GLIS3: variants seen among roughly 807,000 people sequenced by gnomAD.
GLIS3 encodes zinc finger protein GLIS3.
A neutral mutation model predicts 78.6 loss-of-function variants in GLIS3; 53 were observed. The observed-to-expected ratio is 0.67, with a 90% CI of 0.54 to 0.85. The LOEUF (loss-of-function observed/expected upper bound fraction) is 0.85. Ranked by LOEUF, GLIS3 falls within the 40% of genes least tolerant of loss-of-function variation. The pLI is 0.00. For synonymous variants in GLIS3, 684 were observed against 509.9 expected, an observed-to-expected ratio of 1.34 and a Z score of -4.60; for missense variants, 1,703 against 1,231.1, an observed-to-expected ratio of 1.38 and a Z score of -5.74.
chr9:4,425,736 C>A, the GLIS3 span, among the ~76,000 whole-genome samples: 1 of 152,204 alleles, frequency 6.6e-6, no homozygotes, highest in African/African-American at 2.4e-5. Context: ...TTACCTAGTA[C>A]CACCTGCTCG....
intron 4 of GLIS3, among the ~76,000 whole-genome samples, chr9:4,066,705 C>G (rs1827130530): frequency 6.6e-6 from 1 of 152,254 alleles, no homozygotes; most frequent in South Asian, 2.1e-4. Context: ...CCTTTGCCAG[C>G]TGGAGAAATA....
At chr9:4,205,489 C>A (rs1165241483) in intron 2 of GLIS3, among the ~76,000 whole-genome samples, 1 of 152,286 alleles carries the variant, frequency 6.6e-6, no homozygotes, top group South Asian at 2.1e-4. Flanking sequence ...TGTCTCTTCC[C>A]TGGAAGATTT....
the GLIS3 span, among the ~76,000 whole-genome samples, chr9:4,429,866 T>C: frequency 1.3e-5 from 2 of 152,162 alleles, no homozygotes; most frequent in Non-Finnish European, 2.9e-5. Context: ...GGGTTTTTCA[T>C]GCATTACCTT....
rs561022724 is a variant in GLIS3 at position 3,826,587 on chromosome 9, C to T, written c.*1685G>A. ...GACCAAGTGCACTGTGAAAACAAAA[C>T]CCACACTTGGTTCTTCATTCACCTC... On this transcript the variant is annotated 3_prime_UTR_variant, in exon 11 of 11. Coordinates refer to ENST00000381971, the MANE Select transcript of GLIS3 (RefSeq NM_001042413.2). 2 of 152,288 alleles carry T rather than the reference C, an allele frequency of 1.3e-5. No individual in the cohort carries two copies. Among genetic ancestry groups the T allele is most frequent in the East Asian group, 3.9e-4 (2 of 5,182 alleles). 9.4% of individuals were successfully genotyped at this position (152,288 alleles called of 1,614,324 possible). A position where few individuals can be genotyped will look rare whatever the true frequency, so the allele number is the denominator to read the frequency against.
At chr9:4,322,646 T>A (rs1244848615) in intron 2 of GLIS3, among the ~76,000 whole-genome samples, 1 of 152,208 alleles carries the variant, frequency 6.6e-6, no homozygotes, top group African/African-American at 2.4e-5. Context: ...TTGATTTGCA[T>A]TTCTCTGATG....
chr9:4,051,126 G>A lies in GLIS3; in HGVS notation c.1710+66642C>T, dbSNP rs535570348. On this transcript the variant is annotated intron_variant, in intron 4 of 10. Transcript: ENST00000381971. ...TCTCCTTGTTCTCCCAGCCCCTAAA[G>A]AAACTGGGTCAAAATGGAAGCAGAC... Among the ~76,000 whole-genome samples the A allele has an allele frequency of 2.0e-5, 3 of 152,252 alleles. No individual in the cohort carries two copies. The South Asian group carries it at 6.2e-4, about 32-fold the overall frequency.
chr9:3,974,711 T>C (rs185934197), intron 4 of GLIS3, among the ~76,000 whole-genome samples: 12 of 152,192 alleles, frequency 7.9e-5, no homozygotes, highest in Admixed American at 5.9e-4. Flanking sequence ...TTAAAGACTA[T>C]GAATTGCAGC....
At chr9:4,385,233 C>T in the GLIS3 span, among the ~76,000 whole-genome samples, 1 of 152,146 alleles carries the variant, frequency 6.6e-6, no homozygotes, top group Non-Finnish European at 1.5e-5. Context: ...TTCGTGGATT[C>T]CCTCTGCAGC....
In GLIS3 at chr9:4,118,468, G is replaced by A; in HGVS notation, c.1010C>T (p.Ser337Leu). 6 of 1,613,848 alleles carry A rather than the reference G, an allele frequency of 3.7e-6. No individual in the cohort carries two copies. The highest frequency in any genetic ancestry group is 5.1e-6 in the Non-Finnish European group (6 of 1,180,030). Residue 337 changes from serine to leucine, a missense_variant, in exon 4 of 11, where the codon TCG becomes TTG. Transcript: ENST00000381971. The surrounding 1 kb of genome is among the most constrained non-coding windows in gnomAD (Gnocchi z 4.7). ...LVAYINGSRA[S>L]PANLSPQPEV... ...CGGCTGCGGGGACAGGTTGGCCGGC[G>A]AAGCCCTCGACCCGTTGATGTAGGC...
At position 3,930,266 on chromosome 9, in the gene GLIS3, T is replaced by G. The variant is rs79082471; in HGVS notation, c.1983+2094A>C. 8.1e-3 allele frequency among the ~76,000 whole-genome samples: 1,234 copies of G among 152,302 alleles called. 18 individuals carry two copies. The highest frequency in any genetic ancestry group is 0.028 in the African/African-American group (1,181 of 41,572). On this transcript the variant is annotated intron_variant, in intron 6 of 10. Transcript: ENST00000381971. Reference sequence around the variant, plus strand: ...GTCAATGAAATCCAATTCAACCACTTGCAGAAAACAGTGAACATCAAAAGC... The same window carrying G: ...GTCAATGAAATCCAATTCAACCACTGGCAGAAAACAGTGAACATCAAAAGC...
chr9:3,987,083 T>C (rs150226162), intron 4 of GLIS3, among the ~76,000 whole-genome samples: 5 of 152,248 alleles, frequency 3.3e-5, no homozygotes, highest in Admixed American at 2.6e-4. Context: ...CAAATTCTTT[T>C]GAAACAAATG....
At chr9:4,431,215 G>C in the GLIS3 span, among the ~76,000 whole-genome samples, 93 of 152,248 alleles carry the variant, frequency 6.1e-4, no homozygotes, top group African/African-American at 2.2e-3. Flanking sequence ...AATTTTAAAA[G>C]GCCTTTGATG....
chr9:4,347,435 A>G (rs536968496), intron 1 of GLIS3, among the ~76,000 whole-genome samples: 10 of 152,252 alleles, frequency 6.6e-5, no homozygotes, highest in African/African-American at 2.2e-4. Flanking sequence ...ACCTGAAAAA[A>G]TCTTTAAAGT....
chr9:4,390,115 G>T, the GLIS3 span, among the ~76,000 whole-genome samples: 1 of 152,210 alleles, frequency 6.6e-6, no homozygotes, highest in Non-Finnish European at 1.5e-5. Flanking sequence ...AGGGAACCAC[G>T]GACATGTATA....
chr9:4,147,757 T>C (rs185286884), intron 2 of GLIS3: 132 of 150,332 alleles, frequency 8.8e-4, no homozygotes, highest in African/African-American at 3.2e-3. Context: ...TCAGAGCAGG[T>C]GGGTGAACTC....
At position 4,166,726 on chromosome 9, in the gene GLIS3, T is replaced by C. The variant is rs568784250; in HGVS notation, c.389-40785A>G. On this transcript the variant is annotated intron_variant, in intron 2 of 10. Transcript: ENST00000381971. Reference sequence around the variant, plus strand: ...TTCCGTGGCTACACATAAAAGCAGTTACTCTGATGAAGGCATAAGTGAACA... The same window carrying C: ...TTCCGTGGCTACACATAAAAGCAGTCACTCTGATGAAGGCATAAGTGAACA... Among the ~76,000 whole-genome samples the C allele has an allele frequency of 2.0e-5, 3 of 152,340 alleles. No individual in the cohort carries two copies. The South Asian group carries it at 6.2e-4, about 32-fold the overall frequency.
At chr9:3,989,157 C>G (rs1820009160) in intron 4 of GLIS3, among the ~76,000 whole-genome samples, 1 of 152,070 alleles carries the variant, frequency 6.6e-6, no homozygotes. Context: ...TGTTCAACAT[C>G]ACTAATCATC....
intron 4 of GLIS3, among the ~76,000 whole-genome samples, chr9:3,944,165 G>A (rs562040718): frequency 2.6e-5 from 4 of 152,320 alleles, no homozygotes; most frequent in African/African-American, 9.6e-5. Flanking sequence ...CAAATTTCAT[G>A]AGAGTTCGGC....
At chr9:4,423,568 C>T in the GLIS3 span, among the ~76,000 whole-genome samples, 1 of 152,192 alleles carries the variant, frequency 6.6e-6, no homozygotes, top group East Asian at 1.9e-4. Context: ...CAAAAACCCT[C>T]TCTAGCAGCT....
Sources: gnomAD v4.1 joint callset for allele counts (sites outside exome capture counted in the v4.1 genomes callset) on GRCh38, gnomAD v4.1.1 for gene constraint, Gnocchi (gnomAD v3.1) non-coding constraint, MANE v1.5 for transcripts, NCBI Gene and HGNC (gene_info 2026-07-23, HGNC 2026-07-21) for gene names.